The following GABRP variants were observed in gnomAD, a reference collection of about 807,000 sequenced individuals.
The protein encoded by GABRP is gamma-aminobutyric acid type A receptor subunit pi.
In GABRP, 52 loss-of-function variants were observed where a neutral mutation model predicts 47.8. The observed-to-expected ratio is 1.09, with a 90% CI of 0.87 to 1.37. The LOEUF is 1.37. GABRP is among the 40% of genes most tolerant of loss of function. The pLI is 0.00. For synonymous variants in GABRP, 221 were observed against 205.8 expected, an observed-to-expected ratio of 1.07 and a Z score of -0.63; for missense variants, 525 against 542.8, an observed-to-expected ratio of 0.97 and a Z score of 0.33.
intron 6 of GABRP, among the ~76,000 whole-genome samples, chr5:170,798,480 A>G (rs1479199661): frequency 6.6e-6 from 1 of 152,206 alleles, no homozygotes; most frequent in East Asian, 1.9e-4. Context: ...CATAAAAAAC[A>G]TTTCGGTGAC....
chr5:170,812,414 A>G lies in GABRP; in HGVS notation c.*156A>G, dbSNP rs1765914275. On this transcript the variant is annotated 3_prime_UTR_variant, in exon 10 of 10. Transcript: ENST00000265294. ...CTGCTCAAAGAATGAAGCTCCAACC[A>G]TTGTTCTAAGCTGTGTAGAAGTCCT... is the stretch of plus-strand genomic sequence containing the variant. The G allele has an allele frequency of 9.4e-6, 6 of 637,752 alleles. No homozygotes were observed. The highest frequency in any genetic ancestry group is 1.6e-5 in the Non-Finnish European group (6 of 369,388). The allele number at this position is 637,752 out of a possible 1,614,324, so 39.5% of individuals were successfully genotyped here. A position where few individuals can be genotyped will look rare whatever the true frequency, so the allele number is the denominator to read the frequency against.
chr5:170,789,829 T>C (rs1322741928), intron 3 of GABRP, among the ~76,000 whole-genome samples: 1 of 152,180 alleles, frequency 6.6e-6, no homozygotes, highest in African/African-American at 2.4e-5. Context: ...TGGCCTCTCC[T>C]GCCTCTATGC....
chr5:170,800,811 T>G (rs1050930687), intron 6 of GABRP, among the ~76,000 whole-genome samples: 4 of 152,062 alleles, frequency 2.6e-5, no homozygotes, highest in Non-Finnish European at 5.9e-5. Flanking sequence ...CCAGGTGTGA[T>G]GGTGGGTGAC....
At chr5:170,797,339 C>T (rs1164496742) in intron 5 of GABRP, 127 bp from the exon 6 acceptor site, 3 of 665,286 alleles carry the variant, frequency 4.5e-6, no homozygotes, top group Non-Finnish European at 5.6e-6. Context: ...GCTTTACATG[C>T]AGACTCCAAG....
chr5:170,789,330 A>G lies in GABRP; in HGVS notation c.172+83A>G, dbSNP rs1006685392. ...GCAGTGGAGGGTTTCGGGAGGTTTT[A>G]GTTGACTCCATTTTCTGATCTGCAG... On this transcript the variant is annotated intron_variant, in intron 3 of 9. Coordinates refer to ENST00000265294, the MANE Select transcript of GABRP (RefSeq NM_014211.3). The G allele has an allele frequency of 7.7e-6, 6 of 779,928 alleles. No individual in the cohort carries two copies. The African/African-American group carries it at 1.0e-4, about 13-fold the overall frequency. 48.3% of individuals were successfully genotyped at this position (779,928 alleles called of 1,614,324 possible). A position where few individuals can be genotyped will look rare whatever the true frequency, so the allele number is the denominator to read the frequency against.
intron 3 of GABRP, among the ~76,000 whole-genome samples, chr5:170,790,531 C>T (rs1019796761): frequency 6.6e-6 from 1 of 152,112 alleles, no homozygotes; most frequent in African/African-American, 2.4e-5. Flanking sequence ...ATGACTTCTT[C>T]AAGCTATTTA....
rs1049413695 is a variant in GABRP, at chr5:170,788,378, AC to A, written c.-42-195del. The A allele has an allele frequency of 4.9e-4, 207 of 422,874 alleles. No homozygotes were observed. In the East Asian group the frequency reaches 6.8e-3, roughly 14 times the overall value. 26.2% of individuals were successfully genotyped at this position (422,874 alleles called of 1,614,324 possible). A position where few individuals can be genotyped will look rare whatever the true frequency, so the allele number is the denominator to read the frequency against. On this transcript the variant is annotated intron_variant, in intron 1 of 9. Coordinates refer to ENST00000265294, the MANE Select transcript of GABRP (RefSeq NM_014211.3). The stretch of plus-strand genomic sequence containing the variant: ...AAATAAAAAATTAAAAAAAAAAAAA[AC>A]ATAATCCTCCAAAATGAAGTCATTC...
At chr5:170,797,305 T>G (rs1581596764) in intron 5 of GABRP, among the ~76,000 whole-genome samples, 161 bp from the exon 6 acceptor site, 1 of 151,728 alleles carries the variant, frequency 6.6e-6, no homozygotes, top group South Asian at 2.1e-4. Flanking sequence ...GCACACATTC[T>G]TTAGCACCCA....
At chr5:170,785,060 A>G (rs955856792) in intron 1 of GABRP, among the ~76,000 whole-genome samples, 2 of 152,194 alleles carry the variant, frequency 1.3e-5, no homozygotes, top group Admixed American at 1.3e-4. Flanking sequence ...CTGTACCAGA[A>G]CTGGTGGCCT....
intron 7 of GABRP, 67 bp from the exon 8 acceptor site, chr5:170,808,533 C>A: frequency 7.4e-7 from 1 of 1,360,494 alleles, no homozygotes; most frequent in Non-Finnish European, 1.0e-6. Flanking sequence ...TATAGTTAAG[C>A]ATCCCATAGA....
rs145564621 is a variant in GABRP at position 170,811,852 on chromosome 5, A to G, written c.1021-104A>G. 2.7e-5 allele frequency: 29 copies of G among 1,061,190 alleles called. No individual in the cohort carries two copies. The Middle Eastern group carries it at 6.4e-4, about 23-fold the overall frequency. 65.7% of individuals were successfully genotyped at this position (1,061,190 alleles called of 1,614,324 possible). A position where few individuals can be genotyped will look rare whatever the true frequency, so the allele number is the denominator to read the frequency against. ...CTCAATGCCACTCTCTATTAAGCCTAATTATTCAACACTTAGGCCTCTAAA... is the reference window on the plus strand; with the variant it reads ...CTCAATGCCACTCTCTATTAAGCCTGATTATTCAACACTTAGGCCTCTAAA... On this transcript the variant is annotated intron_variant, in intron 9 of 9. Transcript: ENST00000265294.
chr5:170,800,613 A>C (rs1765565856), intron 6 of GABRP, among the ~76,000 whole-genome samples: 1 of 152,136 alleles, frequency 6.6e-6, no homozygotes, highest in Admixed American at 6.6e-5. Context: ...AATCTCCTTG[A>C]CTGAACAACT....
chr5:170,806,235 T>A (rs1382420453), intron 7 of GABRP, among the ~76,000 whole-genome samples: 1 of 152,318 alleles, frequency 6.6e-6, no homozygotes, highest in Middle Eastern at 3.4e-3. Context: ...AACAAGAGCA[T>A]GAACACTCTA....
chr5:170,796,063 G>A lies in GABRP; in HGVS notation c.458+638G>A, dbSNP rs188542920. On this transcript the variant is annotated intron_variant, in intron 5 of 9. Coordinates refer to ENST00000265294, the MANE Select transcript of GABRP (RefSeq NM_014211.3). ...AATGGAGCCGGGTTGGATGGAACAG[G>A]ACTCATCCCTGCCTGTGCAAGGACT... Among the ~76,000 whole-genome samples, 714 of 152,332 alleles carry A rather than the reference G, an allele frequency of 4.7e-3. 4 individuals carry two copies. The highest frequency in any genetic ancestry group is 7.2e-3 in the Non-Finnish European group (492 of 68,040).
intron 4 of GABRP, 165 bp downstream of exon 4, chr5:170,794,463 A>T (rs1765369008): frequency 2.3e-6 from 1 of 435,942 alleles, no homozygotes; most frequent in Admixed American, 3.9e-5. Context: ...AACTCAAGAC[A>T]GTGGGAGATT....
At chr5:170,784,055 C>T (rs1335772407) in intron 1 of GABRP, among the ~76,000 whole-genome samples, 181 bp downstream of exon 1, 1 of 152,206 alleles carries the variant, frequency 6.6e-6, no homozygotes, top group East Asian at 1.9e-4. Flanking sequence ...CTGCTGTCCT[C>T]ACTACAGCCA....
At position 170,812,465 on chromosome 5, in the gene GABRP, A is replaced by G. The variant is rs1765915523; in HGVS notation, c.*207A>G. ...AGCATTATAGGATCTTGTAATAGAA[A>G]CATCAGTCCATTCCTCTTTCATCTT... On this transcript the variant is annotated 3_prime_UTR_variant, in exon 10 of 10. Coordinates refer to ENST00000265294, the MANE Select transcript of GABRP (RefSeq NM_014211.3). 1.8e-6 allele frequency: 1 copy of G among 548,654 alleles called. No individual in the cohort carries two copies. The highest frequency in any genetic ancestry group is 3.2e-5 in the Admixed American group (1 of 31,586). The allele number at this position is 548,654 out of a possible 1,614,324, so 34.0% of individuals were successfully genotyped here.
rs202237766 is a variant in GABRP at position 170,812,060 on chromosome 5, C to G, written c.1125C>G (p.Ser375Arg). 3.7e-6 allele frequency: 6 copies of G among 1,614,108 alleles called. No homozygotes were observed. The highest frequency in any genetic ancestry group is 5.1e-6 in the Non-Finnish European group (6 of 1,180,020). ...KISFASIEIS[S>R]DNVDYSDLTM... is the part of the protein sequence containing the mutation. ...GCTTTGCCAGCATTGAAATTTCCAG[C>G]GACAACGTTGACTACAGTGACTTGA... Residue 375 changes from serine (S) to arginine (R), a missense_variant, in exon 10 of 10, where the codon AGC (serine) becomes AGG (arginine). By Grantham distance (110) the Ser-to-Arg change is moderately radical (BLOSUM62 -1). Coordinates refer to ENST00000265294, the MANE Select transcript of GABRP (RefSeq NM_014211.3).
chr5:170,794,096 A>G (rs1344872742), intron 3 of GABRP, 135 bp from the exon 4 acceptor site: 3 of 469,068 alleles, frequency 6.4e-6, no homozygotes, highest in East Asian at 3.5e-5. Flanking sequence ...TTCTTTTTAT[A>G]TTTATAGAAT....
Sources: allele counts gnomAD v4.1 joint callset (sites outside exome capture counted in the v4.1 genomes callset), GRCh38; gene constraint gnomAD v4.1.1; transcripts MANE v1.5; gene names NCBI Gene and HGNC (gene_info 2026-07-23, HGNC 2026-07-21).